The following CTTNBP2NL variants were observed in gnomAD, a reference collection of about 807,000 sequenced individuals.
CTTNBP2NL encodes CTTNBP2 N-terminal-like protein.
Under a neutral mutation model 32.5 loss-of-function variants are expected in CTTNBP2NL, and 16 were observed. The observed-to-expected ratio is 0.49, with a 90% CI of 0.33 to 0.75. The LOEUF is 0.75. Ranked by LOEUF, CTTNBP2NL falls within the 30% of genes least tolerant of loss-of-function variation. The probability of loss-of-function intolerance (pLI) is 0.02; values close to 1 mark genes in which losing one functional copy is unlikely to be tolerated. For synonymous variants in CTTNBP2NL, 298 were observed against 289.4 expected (o/e 1.03, Z -0.30); for missense variants, 645 against 756.0 (o/e 0.85, Z 1.72).
At chr1:112,432,072 T>TTA (rs1649582672) in intron 3 of CTTNBP2NL, among the ~76,000 whole-genome samples, 1 of 134,082 alleles carries the variant, frequency 7.5e-6, no homozygotes, top group Admixed American at 7.3e-5. Flanking sequence ...TTTGATTTTT[T>TTA]TTTTTTTTTT....
chr1:112,452,335 C>CTTCTTCTTTTTTTTT (rs1553227272), intron 4 of CTTNBP2NL, among the ~76,000 whole-genome samples: 1 of 65,688 alleles, frequency 1.5e-5, no homozygotes, highest in African/African-American at 6.1e-5. Context: ...CCAGTCTCTT[C>CTTCTTCTTTTTTTTT]TTTTTTTTTT....
At chr1:112,411,859 C>T (rs748304538) in intron 1 of CTTNBP2NL, among the ~76,000 whole-genome samples, 97 of 152,082 alleles carry the variant, frequency 6.4e-4, no homozygotes, top group East Asian at 1.4e-3. Flanking sequence ...AATCTAAGTG[C>T]GTTGTGCTTA....
intron 4 of CTTNBP2NL, among the ~76,000 whole-genome samples, chr1:112,451,326 C>T (rs1354715249): frequency 6.7e-6 from 1 of 149,568 alleles, no homozygotes; most frequent in Non-Finnish European, 1.5e-5. Flanking sequence ...CCACCATTCT[C>T]TGTCACATCT....
intron 3 of CTTNBP2NL, among the ~76,000 whole-genome samples, chr1:112,424,185 A>G (rs528908178): frequency 2.0e-5 from 3 of 152,066 alleles, no homozygotes; most frequent in Non-Finnish European, 4.4e-5. Context: ...AGTCTATGAT[A>G]TATCTTCAGT....
intron 1 of CTTNBP2NL, among the ~76,000 whole-genome samples, chr1:112,398,192 C>T (rs1204823276): frequency 2.0e-5 from 3 of 152,172 alleles, no homozygotes; most frequent in Middle Eastern, 6.8e-3. Context: ...TTGTGATTGC[C>T]GAGGTTTAAT....
rs1650351923 is a variant in CTTNBP2NL, at chr1:112,456,058, C to T, written c.566C>T (p.Ala189Val). Residue 189 changes from alanine to valine, a missense_variant, in exon 6 of 6, where the codon GCC (alanine) becomes GTC (valine). Coordinates refer to ENST00000271277, the MANE Select transcript of CTTNBP2NL (RefSeq NM_018704.3). ...SSMLVLECKKATNKAAEEGQK... is the reference protein window; with the variant it reads ...SSMLVLECKKVTNKAAEEGQK... ...ATGCTAGTGCTTGAGTGCAAGAAAG[C>T]CACCAACAAGGCAGCCGAGGAAGGA... The T allele has an allele frequency of 7.4e-6, 12 of 1,614,114 alleles. No homozygotes were observed. The highest frequency in any genetic ancestry group is 1.0e-5 in the Non-Finnish European group (12 of 1,180,026).
chr1:112,458,561 C>T lies in CTTNBP2NL; in HGVS notation c.*1149C>T, dbSNP rs1273037999. 6.6e-6 allele frequency: 1 copy of T among 152,044 alleles called. No individual in the cohort carries two copies. Among genetic ancestry groups the T allele is most frequent in the African/African-American group, 2.4e-5 (1 of 41,372 alleles). 9.4% of individuals were successfully genotyped at this position (152,044 alleles called of 1,614,324 possible). A position where few individuals can be genotyped will look rare whatever the true frequency, so the allele number is the denominator to read the frequency against. The stretch of plus-strand genomic sequence containing the variant: ...ATAGCATAAAGGACAAGTAGAACTG[C>T]ACATTAAGATTACCTACCGAAGCAA... On this transcript the variant is annotated 3_prime_UTR_variant, in exon 6 of 6. Transcript: ENST00000271277.
At chr1:112,400,831 G>A (rs996016913) in intron 1 of CTTNBP2NL, among the ~76,000 whole-genome samples, 3 of 151,828 alleles carry the variant, frequency 2.0e-5, no homozygotes, top group Non-Finnish European at 4.4e-5. Context: ...CAGGCATGGT[G>A]GCACGTGCCT....
chr1:112,436,520 C>CT (rs1340941917), intron 3 of CTTNBP2NL, among the ~76,000 whole-genome samples: 3 of 151,926 alleles, frequency 2.0e-5, no homozygotes, highest in African/African-American at 7.3e-5. Flanking sequence ...TAGCACACTT[C>CT]TTTTTTTTCT....
chr1:112,412,554 C>T (rs1430123755), intron 2 of CTTNBP2NL, among the ~76,000 whole-genome samples: 1 of 150,850 alleles, frequency 6.6e-6, no homozygotes, highest in African/African-American at 2.4e-5. Flanking sequence ...GCCTTTCTTT[C>T]CTCCTGTGTA....
At chr1:112,408,679 TTTA>T (rs982349453) in intron 1 of CTTNBP2NL, among the ~76,000 whole-genome samples, 2 of 152,188 alleles carry the variant, frequency 1.3e-5, no homozygotes, top group African/African-American at 4.8e-5. Flanking sequence ...AAGTTTCTTT[TTTA>T]TTATTATTTC....
chr1:112,421,310 C>CTTTTCTT (rs1553224539), intron 3 of CTTNBP2NL, among the ~76,000 whole-genome samples: 20 of 115,888 alleles, frequency 1.7e-4, no homozygotes, highest in South Asian at 6.0e-4. Flanking sequence ...CATTTCTTTT[C>CTTTTCTT]TTTTTTTTTT....
intron 3 of CTTNBP2NL, among the ~76,000 whole-genome samples, chr1:112,428,670 CAT>C (rs778217693): frequency 1.8e-4 from 28 of 152,232 alleles, no homozygotes; most frequent in South Asian, 1.5e-3. Flanking sequence ...TATACACACC[CAT>C]ATACGTATAT....
chr1:112,445,601 T>G (rs1291228125), intron 3 of CTTNBP2NL, among the ~76,000 whole-genome samples: 1 of 152,204 alleles, frequency 6.6e-6, no homozygotes, highest in Non-Finnish European at 1.5e-5. Flanking sequence ...CTTCTTGAGG[T>G]TATTCCACAG....
At chr1:112,406,584 A>T (rs939082561) in intron 1 of CTTNBP2NL, among the ~76,000 whole-genome samples, 1 of 152,212 alleles carries the variant, frequency 6.6e-6, no homozygotes, top group Non-Finnish European at 1.5e-5. Flanking sequence ...TGTTGTGAAG[A>T]CTGAATTAGT....
chr1:112,449,441 A>G (rs1650156216), intron 4 of CTTNBP2NL, among the ~76,000 whole-genome samples: 1 of 148,088 alleles, frequency 6.8e-6, no homozygotes, highest in Non-Finnish European at 1.5e-5. Flanking sequence ...ATGTTTTTTC[A>G]GTTCTTGATC....
At chr1:112,407,822 C>T (rs142607311) in intron 1 of CTTNBP2NL, among the ~76,000 whole-genome samples, 12 of 146,908 alleles carry the variant, frequency 8.2e-5, no homozygotes, top group East Asian at 4.0e-4. Flanking sequence ...GTAACAAAAA[C>T]GGCTTTCTTT....
intron 3 of CTTNBP2NL, among the ~76,000 whole-genome samples, chr1:112,437,907 T>C (rs1221583306): frequency 2.0e-5 from 3 of 152,224 alleles, no homozygotes; most frequent in Non-Finnish European, 4.4e-5. Flanking sequence ...GTACGTTGTC[T>C]GTTTACTCTG....
intron 2 of CTTNBP2NL, 186 bp from the exon 3 acceptor site, chr1:112,415,970 AT>A (rs1649048547): frequency 2.0e-6 from 1 of 512,790 alleles, no homozygotes. Flanking sequence ...ATTAAAGTGA[AT>A]TTTACTTTCT....
Sources: allele counts gnomAD v4.1 joint callset (sites outside exome capture counted in the v4.1 genomes callset), GRCh38; gene constraint gnomAD v4.1.1; transcripts MANE v1.5; gene names NCBI Gene and HGNC (gene_info 2026-07-23, HGNC 2026-07-21).